The following FSTL5 variants were observed in gnomAD, a reference collection of about 807,000 sequenced individuals.
FSTL5 encodes the protein follistatin-related protein 5.
A neutral mutation model predicts 89.1 loss-of-function variants in FSTL5; 62 were observed. The observed-to-expected ratio is 0.70, with a 90% CI of 0.57 to 0.86. FSTL5 has a LOEUF of 0.86. Ranked by LOEUF, FSTL5 falls within the 40% of genes least tolerant of loss-of-function variation. The pLI, the probability that FSTL5 is intolerant of heterozygous loss-of-function variation, is 0.00. For synonymous variants in FSTL5, 383 were observed against 346.2 expected, an observed-to-expected ratio of 1.11 and a Z score of -1.18; for missense variants, 1,057 against 1,001.6, an observed-to-expected ratio of 1.06 and a Z score of -0.75.
chr4:161,798,537 T>C (rs1370120483), intron 4 of FSTL5, among the ~76,000 whole-genome samples: 2 of 151,546 alleles, frequency 1.3e-5, no homozygotes, highest in African/African-American at 2.4e-5. Context: ...CTTCAAAATC[T>C]ACAATATTGG....
At chr4:161,773,693 A>T (rs927592106) in intron 5 of FSTL5, among the ~76,000 whole-genome samples, 1 of 152,120 alleles carries the variant, frequency 6.6e-6, no homozygotes, top group Non-Finnish European at 1.5e-5. Flanking sequence ...TTTAAAAAAA[A>T]TGTTGATGTG....
intron 4 of FSTL5, among the ~76,000 whole-genome samples, chr4:161,795,853 T>C (rs1189182982): frequency 6.6e-6 from 1 of 152,078 alleles, no homozygotes; most frequent in Non-Finnish European, 1.5e-5. Context: ...AGCTTTATAC[T>C]ATAGTTTGAA....
chr4:161,545,367 T>C (rs1731967971), intron 8 of FSTL5, among the ~76,000 whole-genome samples: 1 of 152,070 alleles, frequency 6.6e-6, no homozygotes, highest in Non-Finnish European at 1.5e-5. Context: ...GCACACGTAA[T>C]TTAAAAAATA....
intron 4 of FSTL5, among the ~76,000 whole-genome samples, chr4:161,831,038 T>G (rs776519298): frequency 6.6e-6 from 1 of 151,972 alleles, no homozygotes; most frequent in Non-Finnish European, 1.5e-5. Flanking sequence ...GAAACTTTCA[T>G]GTCCTTCCAG....
At chr4:161,425,200 A>T (rs536333905) in intron 15 of FSTL5, among the ~76,000 whole-genome samples, 123 of 152,338 alleles carry the variant, frequency 8.1e-4, no homozygotes, top group African/African-American at 2.7e-3. Context: ...GAATTTTTTT[A>T]AAAAAGATTA....
chr4:161,536,027 G>C (rs1447908970), intron 10 of FSTL5, among the ~76,000 whole-genome samples: 3 of 152,040 alleles, frequency 2.0e-5, no homozygotes, highest in Non-Finnish European at 4.4e-5. Context: ...ATAAGTAGGA[G>C]CTAAACATTG....
intron 6 of FSTL5, among the ~76,000 whole-genome samples, chr4:161,660,899 T>C (rs1736683383): frequency 6.6e-6 from 1 of 152,182 alleles, no homozygotes; most frequent in Non-Finnish European, 1.5e-5. Flanking sequence ...GCTGATTCCA[T>C]GTCTTTGCTA....
chr4:161,960,474 C>G (rs886135128), intron 3 of FSTL5, among the ~76,000 whole-genome samples: 23 of 151,882 alleles, frequency 1.5e-4, no homozygotes, highest in African/African-American at 5.3e-4. Flanking sequence ...TGAGCCACCA[C>G]GCCTGGCCAT....
intron 6 of FSTL5, among the ~76,000 whole-genome samples, chr4:161,756,944 C>T (rs1219407290): frequency 6.6e-6 from 1 of 152,138 alleles, no homozygotes; most frequent in Admixed American, 6.5e-5. Flanking sequence ...TTGCCTACTT[C>T]TGTTAGTCAA....
chr4:162,163,095 C>T (rs1733754353), intron 1 of FSTL5, among the ~76,000 whole-genome samples: 1 of 152,094 alleles, frequency 6.6e-6, no homozygotes, highest in Non-Finnish European at 1.5e-5. Context: ...TCTATACCTA[C>T]CTCCTCCCTT....
At chr4:161,474,403 T>C (rs867673082) in intron 13 of FSTL5, among the ~76,000 whole-genome samples, 4 of 152,210 alleles carry the variant, frequency 2.6e-5, no homozygotes, top group African/African-American at 7.2e-5. Context: ...ATAATATTTA[T>C]GCATTACTCT....
In FSTL5 at chr4:161,385,739, T is replaced by C. The variant is rs983110936; in HGVS notation, c.*8A>G. The C allele has an allele frequency of 4.6e-6, 7 of 1,532,168 alleles. No homozygotes were observed. The African/African-American group carries it at 6.9e-5, about 15-fold the overall frequency. The allele number at this position is 1,532,168 out of a possible 1,614,324, so 94.9% of individuals were successfully genotyped here. ...AACGCTTCATTCAATAATTGTATCG[T>C]AGGGTTTTTAGGCATCTCCAACCCA... On this transcript the variant is annotated 3_prime_UTR_variant, in exon 16 of 16. Coordinates refer to ENST00000306100, the MANE Select transcript of FSTL5 (RefSeq NM_020116.5).
intron 2 of FSTL5, among the ~76,000 whole-genome samples, chr4:162,067,207 C>A (rs552978670): frequency 6.6e-6 from 1 of 152,152 alleles, no homozygotes; most frequent in East Asian, 1.9e-4. Flanking sequence ...GGCCATGCCC[C>A]CACACCCAAC....
At chr4:161,468,493 A>G (rs369168475) in intron 13 of FSTL5, among the ~76,000 whole-genome samples, 3 of 152,152 alleles carry the variant, frequency 2.0e-5, no homozygotes, top group African/African-American at 7.2e-5. Flanking sequence ...GCCCGCAAGC[A>G]TATTCCTCAG....
At chr4:161,514,869 C>T (rs937008763) in intron 10 of FSTL5, among the ~76,000 whole-genome samples, 1 of 151,912 alleles carries the variant, frequency 6.6e-6, no homozygotes, top group African/African-American at 2.4e-5. Context: ...CTATATTTTT[C>T]TTCTGTAAGA....
chr4:161,870,500 A>G (rs1414495651), intron 4 of FSTL5, among the ~76,000 whole-genome samples: 1 of 152,152 alleles, frequency 6.6e-6, no homozygotes, highest in Non-Finnish European at 1.5e-5. Flanking sequence ...TCTATTTTAT[A>G]TCACATCATA....
intron 2 of FSTL5, among the ~76,000 whole-genome samples, chr4:162,098,528 C>G (rs937198237): frequency 2.0e-5 from 3 of 152,018 alleles, no homozygotes; most frequent in African/African-American, 7.2e-5. Context: ...AGTGAAATCT[C>G]AGTCAAAACC....
At position 162,163,437 on chromosome 4, in the gene FSTL5, G is replaced by GTAATAATAATAATAA. The variant is rs34283366; in HGVS notation, c.-17+163_-17+177dup. On this transcript the variant is annotated intron_variant, in intron 1 of 15. Coordinates refer to ENST00000306100, the MANE Select transcript of FSTL5 (RefSeq NM_020116.5). The stretch of plus-strand genomic sequence containing the variant: ...TGCATAATCACTAACAGATTGTCTT[G>GTAATAATAATAATAA]TAATAATAATAATAATAATAATAAT... Among the ~76,000 whole-genome samples, 726 of 140,674 alleles carry GTAATAATAATAATAA rather than the reference G, an allele frequency of 5.2e-3. 5 individuals carry two copies. The highest frequency in any genetic ancestry group is 8.6e-3 in the South Asian group (39 of 4,530). 92.3% of individuals were successfully genotyped at this position (140,674 alleles called of 152,430 possible).
At chr4:161,731,634 C>T (rs1338822673) in intron 6 of FSTL5, among the ~76,000 whole-genome samples, 1 of 151,838 alleles carries the variant, frequency 6.6e-6, no homozygotes. Flanking sequence ...CATAAATGAC[C>T]CAGTCTCAGG....
Sources: allele counts gnomAD v4.1 joint callset (sites outside exome capture counted in the v4.1 genomes callset), GRCh38; gene constraint gnomAD v4.1.1; transcripts MANE v1.5; gene names NCBI Gene and HGNC (gene_info 2026-07-23, HGNC 2026-07-21).